Variants in CPNE4 observed in about 807,000 individuals in gnomAD.
The protein encoded by CPNE4 is copine 4, also known as copine-4.
In CPNE4, 25 loss-of-function variants were observed where a neutral mutation model predicts 67.9. The ratio of observed to expected loss-of-function variants is 0.37; its 90% CI spans 0.27 to 0.51. The LOEUF (loss-of-function observed/expected upper bound fraction) is 0.51. Among genes scored for constraint, CPNE4 ranks in the 20% least tolerant of loss-of-function variants. The pLI is 0.93. For synonymous variants in CPNE4, 242 were observed against 244.9 expected (o/e 0.99, Z 0.11); for missense variants, 464 against 690.8 (o/e 0.67, Z 3.68).
intron 2 of CPNE4, among the ~76,000 whole-genome samples, chr3:131,728,856 A>G (rs1020916313): frequency 5.4e-5 from 8 of 148,484 alleles, no homozygotes; most frequent in Non-Finnish European, 1.2e-4. Flanking sequence ...CTTGCAGTGA[A>G]CAGAGATCAG....
chr3:131,685,852 G>A (rs756977375), intron 6 of CPNE4, 23 bp downstream of exon 6: 39 of 1,477,446 alleles, frequency 2.6e-5, no homozygotes, highest in Non-Finnish European at 3.4e-5. Context: ...AGATAAGAGG[G>A]CATAGCTGAA....
intron 2 of CPNE4, among the ~76,000 whole-genome samples, chr3:131,856,601 A>C (rs2086454020): frequency 6.6e-6 from 1 of 152,046 alleles, no homozygotes; most frequent in Non-Finnish European, 1.5e-5. Context: ...AATAGAACAC[A>C]CATGTGGATG....
chr3:131,778,665 A>C (rs188609446), intron 2 of CPNE4, among the ~76,000 whole-genome samples: 135 of 152,148 alleles, frequency 8.9e-4, no homozygotes, highest in African/African-American at 3.2e-3. Context: ...GGAAAATTCC[A>C]AGGGTAGCCC....
intron 1 of CPNE4, among the ~76,000 whole-genome samples, chr3:131,997,172 A>G (rs545620490): frequency 1.3e-5 from 2 of 152,282 alleles, no homozygotes; most frequent in Admixed American, 6.5e-5. Flanking sequence ...ATTACTTCCC[A>G]GGATATTAAA....
intron 7 of CPNE4, among the ~76,000 whole-genome samples, chr3:131,605,169 T>G (rs973876515): frequency 2.6e-5 from 4 of 152,184 alleles, no homozygotes; most frequent in Non-Finnish European, 5.9e-5. Context: ...CATTTATTCT[T>G]CTTTGAATGA....
intron 7 of CPNE4, among the ~76,000 whole-genome samples, chr3:131,666,041 A>G (rs1390939628): frequency 6.6e-6 from 1 of 152,134 alleles, no homozygotes; most frequent in Non-Finnish European, 1.5e-5. Context: ...TGAAAAAAAC[A>G]GGTAAAATAT....
intron 2 of CPNE4, among the ~76,000 whole-genome samples, chr3:131,747,642 G>T (rs1055546350): frequency 1.3e-4 from 20 of 152,190 alleles, no homozygotes; most frequent in South Asian, 1.0e-3. Flanking sequence ...AAGTAGCTGG[G>T]ATTGCAGGCA....
At chr3:131,944,970 C>T (rs1481747781) in intron 1 of CPNE4, among the ~76,000 whole-genome samples, 1 of 152,032 alleles carries the variant, frequency 6.6e-6, no homozygotes, top group African/African-American at 2.4e-5. Flanking sequence ...TCATGCAGTC[C>T]CTAGTTCCAA....
intron 1 of CPNE4, among the ~76,000 whole-genome samples, chr3:131,986,285 C>T (rs142494673): frequency 1.3e-5 from 2 of 152,260 alleles, no homozygotes; most frequent in East Asian, 3.9e-4. Flanking sequence ...AATATTCCCA[C>T]CATGGCCAAG....
At chr3:131,984,525 G>A (rs916412908) in intron 1 of CPNE4, among the ~76,000 whole-genome samples, 3 of 152,076 alleles carry the variant, frequency 2.0e-5, no homozygotes, top group African/African-American at 7.2e-5. Flanking sequence ...CAAGCTTCTG[G>A]CATGAAAACC....
intron 2 of CPNE4, among the ~76,000 whole-genome samples, chr3:131,729,669 G>T (rs2082082777): frequency 6.6e-6 from 1 of 152,194 alleles, no homozygotes; most frequent in Non-Finnish European, 1.5e-5. Flanking sequence ...TTAACAGTTT[G>T]CTGGTTGTGT....
At chr3:131,680,169 C>T (rs1453730642) in intron 6 of CPNE4, among the ~76,000 whole-genome samples, 16 of 151,768 alleles carry the variant, frequency 1.1e-4, no homozygotes, top group Non-Finnish European at 1.0e-4. Flanking sequence ...AAAACTTTTA[C>T]CATTATGTAA....
At chr3:131,973,573 T>G (rs2072560529) in intron 1 of CPNE4, among the ~76,000 whole-genome samples, 1 of 152,208 alleles carries the variant, frequency 6.6e-6, no homozygotes, top group Non-Finnish European at 1.5e-5. Flanking sequence ...TCAAAAAGTT[T>G]AAGTAATTTT....
intron 2 of CPNE4, among the ~76,000 whole-genome samples, chr3:131,737,115 C>CTGTTTTTTTTTTTTTTTTT (rs2082254006): frequency 2.0e-5 from 1 of 49,362 alleles, no homozygotes; most frequent in African/African-American, 7.6e-5. Flanking sequence ...AGTATTGTGT[C>CTGTTTTTTTTTTTTTTTTT]TTTTTTTTTT....
chr3:131,552,537 C>T (rs1403004733), intron 12 of CPNE4, 46 bp from the exon 13 acceptor site: 2 of 1,529,848 alleles, frequency 1.3e-6, no homozygotes, highest in Admixed American at 1.7e-5. Context: ...AGAAGAATTA[C>T]AACTTTAATC....
intron 1 of CPNE4, among the ~76,000 whole-genome samples, chr3:131,916,300 A>G (rs770853402): frequency 3.3e-5 from 5 of 151,524 alleles, no homozygotes; most frequent in African/African-American, 7.3e-5. Context: ...GGGTCACGTT[A>G]ACAGGAAGCT....
rs572027654 is a variant in CPNE4 at position 131,663,069 on chromosome 3, C to G, written c.681+6606G>C. Among the ~76,000 whole-genome samples the G allele has an allele frequency of 2.6e-5, 4 of 152,238 alleles. No homozygotes were observed. The South Asian group carries it at 8.3e-4, about 32-fold the overall frequency. On this transcript the variant is annotated intron_variant, in intron 7 of 15. Coordinates refer to ENST00000429747, the MANE Select transcript of CPNE4 (RefSeq NM_130808.3). The stretch of plus-strand genomic sequence containing the variant: ...AAGACTTGGAACCAACCCAAATGCC[C>G]ATTAATGATAGACTGGATAAAGAAA...
chr3:131,733,308 GTC>G (rs1294173589), intron 2 of CPNE4, among the ~76,000 whole-genome samples: 1 of 152,194 alleles, frequency 6.6e-6, no homozygotes, highest in Admixed American at 6.5e-5. Context: ...ACCCTGAAAA[GTC>G]TCTTCAGTGT....
At chr3:131,605,245 C>G (rs1467395594) in intron 7 of CPNE4, among the ~76,000 whole-genome samples, 1 of 152,104 alleles carries the variant, frequency 6.6e-6, no homozygotes, top group Non-Finnish European at 1.5e-5. Context: ...AAAGCTGAGA[C>G]AGAATGCTAT....
Sources: gnomAD v4.1 joint callset for allele counts (sites outside exome capture counted in the v4.1 genomes callset) on GRCh38, gnomAD v4.1.1 for gene constraint, MANE v1.5 for transcripts, NCBI Gene and HGNC (gene_info 2026-07-23, HGNC 2026-07-21) for gene names.